NOL4: variants seen among roughly 807,000 people sequenced by gnomAD.
NOL4 encodes cancer/testis antigen 125.
A neutral mutation model predicts 75.9 loss-of-function variants in NOL4; 17 were observed. The ratio of observed to expected loss-of-function variants is 0.22; its 90% CI spans 0.15 to 0.34. NOL4 has a LOEUF of 0.34. Ranked by LOEUF, NOL4 falls within the 10% of genes least tolerant of loss-of-function variation. The pLI is 1.00. For synonymous variants in NOL4, 292 were observed against 289.9 expected, an observed-to-expected ratio of 1.01 and a Z score of -0.07; for missense variants, 614 against 793.5, an observed-to-expected ratio of 0.77 and a Z score of 2.72.
intron 2 of NOL4, among the ~76,000 whole-genome samples, chr18:34,105,875 C>A (rs1209646994): frequency 1.3e-5 from 2 of 151,898 alleles, no homozygotes; most frequent in African/African-American, 4.8e-5. Flanking sequence ...GTTAGAAATC[C>A]ATACTACCAT....
chr18:33,909,137 G>A (rs932468489), intron 9 of NOL4, among the ~76,000 whole-genome samples: 4 of 152,012 alleles, frequency 2.6e-5, no homozygotes, highest in African/African-American at 9.7e-5. Flanking sequence ...ACCTATCAAT[G>A]TTATTTAACA....
intron 5 of NOL4, among the ~76,000 whole-genome samples, chr18:34,038,670 T>G (rs1310934766): frequency 2.6e-5 from 4 of 152,020 alleles, no homozygotes; most frequent in Non-Finnish European, 5.9e-5. Context: ...CACTCATATG[T>G]AGGAGCTAAA....
intron 5 of NOL4, among the ~76,000 whole-genome samples, chr18:34,055,348 T>C (rs1021163115): frequency 1.3e-5 from 2 of 152,162 alleles, no homozygotes; most frequent in Admixed American, 6.5e-5. Context: ...CTTAAATTCC[T>C]CTCCATTTTT....
intron 1 of NOL4, among the ~76,000 whole-genome samples, chr18:34,196,622 T>G (rs2035347695): frequency 6.6e-6 from 1 of 152,120 alleles, no homozygotes. Flanking sequence ...CTTTGTTAAC[T>G]GCAAAACATG....
chr18:34,102,298 T>C (rs1388970783), intron 4 of NOL4, among the ~76,000 whole-genome samples: 2 of 152,080 alleles, frequency 1.3e-5, no homozygotes, highest in African/African-American at 4.8e-5. Flanking sequence ...ACCAGATACA[T>C]GTAAGTACTG....
At chr18:34,090,783 C>T (rs2078477409) in intron 5 of NOL4, among the ~76,000 whole-genome samples, 1 of 151,944 alleles carries the variant, frequency 6.6e-6, no homozygotes, top group Non-Finnish European at 1.5e-5. Context: ...AAGTTGGTGG[C>T]AAGGATGAAA....
intron 9 of NOL4, among the ~76,000 whole-genome samples, chr18:33,900,454 C>T (rs142248549): frequency 6.6e-6 from 1 of 152,216 alleles, no homozygotes; most frequent in African/African-American, 2.4e-5. Context: ...TTCCTTTCTG[C>T]CTGCTTTGAA....
At chr18:34,035,145 T>C (rs1941354) in intron 5 of NOL4, among the ~76,000 whole-genome samples, 69,417 of 151,976 alleles carry the variant, frequency 0.46, 16,023 homozygotes, top group South Asian at 0.52. Context: ...ACATTTTATT[T>C]AACAACTGCA....
chr18:34,057,218 A>T (rs898566793), intron 5 of NOL4, among the ~76,000 whole-genome samples: 6 of 151,972 alleles, frequency 3.9e-5, no homozygotes, highest in Admixed American at 6.6e-5. Context: ...AAAGAAATCT[A>T]CCCCTCCCCA....
In NOL4 at chr18:33,914,655, T is replaced by C. The variant is rs575392507; in HGVS notation, c.1542+28410A>G. Among the ~76,000 whole-genome samples the C allele has an allele frequency of 3.3e-5, 5 of 152,142 alleles. No individual in the cohort carries two copies. In the South Asian group the frequency reaches 1.0e-3, roughly 32 times the overall value. On this transcript the variant is annotated intron_variant, in intron 9 of 10. Transcript: ENST00000261592. ...AAAGGTAAGAACAGTGTGGGCAGAT[T>C]GACTTTTGGACATATTTTGAAGGTA...
At chr18:34,085,982 A>G (rs1231983210) in intron 5 of NOL4, among the ~76,000 whole-genome samples, 1 of 152,120 alleles carries the variant, frequency 6.6e-6, no homozygotes, top group East Asian at 1.9e-4. Context: ...TTTTCTTTAT[A>G]TTACTTATAA....
intron 6 of NOL4, among the ~76,000 whole-genome samples, chr18:33,995,128 AT>A (rs1179609364): frequency 1.3e-5 from 2 of 151,600 alleles, no homozygotes; most frequent in Non-Finnish European, 3.0e-5. Flanking sequence ...GTCAAAAACT[AT>A]TATAAAGAAA....
intron 9 of NOL4, among the ~76,000 whole-genome samples, chr18:33,931,630 C>T (rs537953366): frequency 2.0e-5 from 3 of 151,794 alleles, no homozygotes; most frequent in South Asian, 4.1e-4. Flanking sequence ...GTTACTTGGG[C>T]GGCTGATTCA....
chr18:34,067,500 G>C (rs1713229942), intron 5 of NOL4, among the ~76,000 whole-genome samples: 1 of 152,150 alleles, frequency 6.6e-6, no homozygotes, highest in African/African-American at 2.4e-5. Context: ...AAGGAGATCA[G>C]GTATGAGGCT....
chr18:33,888,634 G>C (rs1183002610), intron 9 of NOL4, among the ~76,000 whole-genome samples: 3 of 151,906 alleles, frequency 2.0e-5, no homozygotes, highest in African/African-American at 7.2e-5. Context: ...GCTTTCTACA[G>C]GTGGCTAGAC....
At chr18:34,131,146 T>A (rs148189898) in intron 1 of NOL4, among the ~76,000 whole-genome samples, 277 of 151,320 alleles carry the variant, frequency 1.8e-3, no homozygotes, top group African/African-American at 6.6e-3. Flanking sequence ...TAACATAACA[T>A]AGCCATTAAC....
At chr18:34,059,596 G>C (rs951134787) in intron 5 of NOL4, among the ~76,000 whole-genome samples, 16 of 152,018 alleles carry the variant, frequency 1.1e-4, no homozygotes, top group African/African-American at 3.9e-4. Flanking sequence ...TCCAAAAATG[G>C]CTTCAAATAA....
chr18:33,973,529 TC>T (rs2071242518), intron 6 of NOL4, among the ~76,000 whole-genome samples: 1 of 152,230 alleles, frequency 6.6e-6, no homozygotes, highest in Non-Finnish European at 1.5e-5. Context: ...TTTACCTTTT[TC>T]TGATCAAGCA....
chr18:33,932,666 T>TA (rs1481922252), intron 9 of NOL4, among the ~76,000 whole-genome samples: 1 of 152,094 alleles, frequency 6.6e-6, no homozygotes, highest in Non-Finnish European at 1.5e-5. Flanking sequence ...TTCCTAATTA[T>TA]AAAAAATCCT....
Sources: allele counts gnomAD v4.1 joint callset (sites outside exome capture counted in the v4.1 genomes callset), GRCh38; gene constraint gnomAD v4.1.1; transcripts MANE v1.5; gene names NCBI Gene and HGNC (gene_info 2026-07-23, HGNC 2026-07-21).